OTUD7A: variants seen among roughly 807,000 people sequenced by gnomAD.
OTUD7A encodes the protein OTU deubiquitinase 7A.
In OTUD7A, 12 loss-of-function variants were observed where a neutral mutation model predicts 65.7. The observed-to-expected ratio is 0.18, with a 90% CI of 0.12 to 0.30. The LOEUF is 0.30. OTUD7A is among the 10% of genes least tolerant of loss of function. The pLI is 1.00. For synonymous variants in OTUD7A, 641 were observed against 586.3 expected (o/e 1.09, Z -1.35); for missense variants, 1,148 against 1,304.8 (o/e 0.88, Z 1.85).
intron 8 of OTUD7A, among the ~76,000 whole-genome samples, chr15:31,517,880 G>A (rs1408057815): frequency 2.6e-5 from 4 of 152,068 alleles, no homozygotes; most frequent in East Asian, 1.9e-4. Context: ...GACCATCCTC[G>A]GCAAGAGCGC....
intron 1 of OTUD7A, among the ~76,000 whole-genome samples, chr15:31,714,455 G>A (rs1475634107): frequency 1.3e-5 from 2 of 152,148 alleles, no homozygotes; most frequent in Non-Finnish European, 2.9e-5. Flanking sequence ...CAAGGGGGCA[G>A]ATGCCTGCAT....
chr15:31,854,969 A>G (rs139259934), intron 1 of OTUD7A, among the ~76,000 whole-genome samples: 333 of 152,330 alleles, frequency 2.2e-3, no homozygotes, highest in Middle Eastern at 0.01. Context: ...AAGGCAATCA[A>G]CCCCAGAGAT....
chr15:31,515,557 T>C (rs982939224), intron 8 of OTUD7A, among the ~76,000 whole-genome samples: 3 of 152,092 alleles, frequency 2.0e-5, no homozygotes, highest in Non-Finnish European at 4.4e-5. Context: ...TACCAACCTA[T>C]CCATCCTTCT....
chr15:31,517,045 GAC>G (rs1297337543), intron 8 of OTUD7A, among the ~76,000 whole-genome samples: 1 of 152,150 alleles, frequency 6.6e-6, no homozygotes, highest in Non-Finnish European at 1.5e-5. Flanking sequence ...GAAAAAACTA[GAC>G]ACAGGCCAGA....
intron 3 of OTUD7A, among the ~76,000 whole-genome samples, chr15:31,631,957 T>C (rs1891175250): frequency 6.6e-6 from 1 of 152,262 alleles, no homozygotes; most frequent in Non-Finnish European, 1.5e-5. Context: ...TTTAAGGACT[T>C]CTCTGCGTTG....
intron 1 of OTUD7A, among the ~76,000 whole-genome samples, chr15:31,669,874 C>G (rs1232471729): frequency 1.3e-5 from 2 of 151,062 alleles, no homozygotes; most frequent in Non-Finnish European, 2.9e-5. Context: ...ACTGACTCAG[C>G]TCCAGTTAAG....
intron 1 of OTUD7A, among the ~76,000 whole-genome samples, chr15:31,823,262 G>A (rs1174703377): frequency 2.0e-5 from 3 of 152,184 alleles, no homozygotes; most frequent in Non-Finnish European, 4.4e-5. Flanking sequence ...GAGCATCAGC[G>A]ACCTCCCACC....
intron 3 of OTUD7A, among the ~76,000 whole-genome samples, chr15:31,589,463 G>GTTTTTTTTT (rs58276599): frequency 4.3e-5 from 5 of 116,346 alleles, no homozygotes; most frequent in African/African-American, 6.9e-5. Context: ...TCCTGGGCTT[G>GTTTTTTTTT]TTTTTTTTTT....
intron 1 of OTUD7A, among the ~76,000 whole-genome samples, chr15:31,729,456 C>T (rs1276360376): frequency 6.6e-6 from 1 of 152,166 alleles, no homozygotes; most frequent in Non-Finnish European, 1.5e-5. Flanking sequence ...GCCACAGTCA[C>T]ATTAATACGG....
intron 8 of OTUD7A, among the ~76,000 whole-genome samples, chr15:31,513,796 C>T (rs2041799431): frequency 6.6e-6 from 1 of 152,156 alleles, no homozygotes; most frequent in East Asian, 1.9e-4. Context: ...ACTAATTTTT[C>T]GTTTGAAATT....
At position 31,483,931 on chromosome 15, in the gene OTUD7A, G is replaced by A. The variant is rs1335963483; in HGVS notation, c.2165C>T (p.Thr722Met). 11 of 1,095,822 alleles carry A rather than the reference G, an allele frequency of 1.0e-5. No individual in the cohort carries two copies. Among genetic ancestry groups the A allele is most frequent in the African/African-American group, 1.7e-5 (1 of 58,860 alleles). 67.9% of individuals were successfully genotyped at this position (1,095,822 alleles called of 1,614,324 possible). A position where few individuals can be genotyped will look rare whatever the true frequency, so the allele number is the denominator to read the frequency against. ...CTCCTTGAGCTTGAGCACCAGCTGC[G>A]TGGGTGGGCCCGGAGAGGCGCGCTC... ...VPERASPGPP[T>M]QLVLKLKERP... The change falls in exon 13 of 13, where the codon ACG becomes ATG. Residue 722 changes from threonine to methionine, a missense_variant. Coordinates refer to ENST00000307050, the MANE Select transcript of OTUD7A (RefSeq NM_001382637.1).
intron 10 of OTUD7A, among the ~76,000 whole-genome samples, chr15:31,496,729 G>C (rs1455988651): frequency 1.3e-5 from 2 of 152,146 alleles, no homozygotes; most frequent in Non-Finnish European, 2.9e-5. Flanking sequence ...GTAGAGCATA[G>C]GTGAGCATTT....
chr15:31,614,572 TA>T (rs1316354693), intron 3 of OTUD7A, among the ~76,000 whole-genome samples: 1 of 152,084 alleles, frequency 6.6e-6, no homozygotes, highest in Non-Finnish European at 1.5e-5. Context: ...AATACATACA[TA>T]AATGCCAGTC....
intron 1 of OTUD7A, among the ~76,000 whole-genome samples, chr15:31,675,874 A>C (rs2141300277): frequency 6.6e-6 from 1 of 152,330 alleles, no homozygotes; most frequent in East Asian, 1.9e-4. Context: ...GAAAACAATA[A>C]ATCTTTAATG....
chr15:31,476,646 T>C lies in OTUD7A; in HGVS notation c.*6648A>G, dbSNP rs539436153. 1 of 152,350 alleles carries C rather than the reference T, an allele frequency of 6.6e-6. No homozygotes were observed. Among genetic ancestry groups the C allele is most frequent in the South Asian group, 2.1e-4 (1 of 4,824 alleles). The allele number at this position is 152,350 out of a possible 1,614,324, so 9.4% of individuals were successfully genotyped here. ...GCCCACTCACTGCTGGCTGGACAGC[T>C]GCAGAGAGGGCATCACGATGGAGAC... On this transcript the variant is annotated 3_prime_UTR_variant, in exon 13 of 13. Transcript: ENST00000307050.
intron 1 of OTUD7A, among the ~76,000 whole-genome samples, chr15:31,673,886 C>T (rs1259439101): frequency 6.6e-6 from 1 of 152,312 alleles, no homozygotes; most frequent in South Asian, 2.1e-4. Flanking sequence ...GTGAAGGCTG[C>T]CCTGGAGGAC....
At chr15:31,658,740 T>C (rs971329558) in intron 1 of OTUD7A, among the ~76,000 whole-genome samples, 44 of 152,074 alleles carry the variant, frequency 2.9e-4, no homozygotes, top group African/African-American at 1.0e-3. Context: ...CATTAACTTC[T>C]GTTTTGGCCA....
chr15:31,515,662 CATCT>C (rs10532964), intron 8 of OTUD7A, among the ~76,000 whole-genome samples: 31,859 of 142,002 alleles, frequency 0.22, 4,029 homozygotes, highest in East Asian at 0.4. Flanking sequence ...TTCATCCATC[CATCT>C]ATTGATCCAC....
chr15:31,802,141 G>GTGTGTGTGTGTGTGTA (rs553698632), intron 1 of OTUD7A, among the ~76,000 whole-genome samples: 2 of 142,496 alleles, frequency 1.4e-5, no homozygotes, highest in Non-Finnish European at 3.0e-5. Context: ...GTGTGTGTGT[G>GTGTGTGTGTGTGTGTA]TATATATATA....
Sources: allele counts gnomAD v4.1 joint callset (sites outside exome capture counted in the v4.1 genomes callset), GRCh38; gene constraint gnomAD v4.1.1; transcripts MANE v1.5; gene names NCBI Gene and HGNC (gene_info 2026-07-23, HGNC 2026-07-21).